The following GRID2 variants were observed in gnomAD, a reference collection of about 807,000 sequenced individuals.
The protein encoded by GRID2 is glutamate receptor ionotropic, delta-2.
In GRID2, 33 loss-of-function variants were observed where a neutral mutation model predicts 114.8. That is an observed-to-expected ratio of 0.29 (90% CI 0.22 to 0.38). GRID2 has a LOEUF of 0.38. Among genes scored for constraint, GRID2 ranks in the 10% least tolerant of loss-of-function variants. GRID2 has a pLI of 1.00. For missense variants in GRID2, 1,184 were observed against 1,257.7 expected (o/e 0.94, Z 0.89); for synonymous variants, 505 against 449.9 (o/e 1.12, Z -1.55).
intron 13 of GRID2, among the ~76,000 whole-genome samples, chr4:93,605,337 C>T (rs1275830526): frequency 1.3e-5 from 2 of 152,168 alleles, no homozygotes; most frequent in East Asian, 1.9e-4. Context: ...ACATAGAACA[C>T]TGCCAACATT....
At chr4:92,758,893 T>G (rs1737854407) in intron 2 of GRID2, among the ~76,000 whole-genome samples, 2 of 152,166 alleles carry the variant, frequency 1.3e-5, no homozygotes, top group African/African-American at 4.8e-5. Flanking sequence ...TATTTCAAAA[T>G]TATGCATGGA....
At chr4:92,562,997 C>T (rs1727169169) in intron 1 of GRID2, among the ~76,000 whole-genome samples, 1 of 151,988 alleles carries the variant, frequency 6.6e-6, no homozygotes, top group Non-Finnish European at 1.5e-5. Flanking sequence ...CTAAATTACC[C>T]AGGCCTACTC....
Position 92,986,729 on chromosome 4 carries a change from AG to A in GRID2, c.245-98265del, listed in dbSNP as rs564298030. On this transcript the variant is annotated intron_variant, in intron 2 of 15. Coordinates refer to ENST00000282020, the MANE Select transcript of GRID2 (RefSeq NM_001510.4). ...TTTCAAAATACAGACTTTTTTAAAAAGCTGTAACAGAACAGGACTAAATATT... is the reference window on the plus strand; with the variant it reads ...TTTCAAAATACAGACTTTTTTAAAAACTGTAACAGAACAGGACTAAATATT... Among the ~76,000 whole-genome samples the A allele has an allele frequency of 1.7e-4, 26 of 152,314 alleles. No homozygotes were observed. The South Asian group carries it at 1.9e-3, about 11-fold the overall frequency.
chr4:92,853,227 T>C (rs1232119427), intron 2 of GRID2, among the ~76,000 whole-genome samples: 1 of 151,974 alleles, frequency 6.6e-6, no homozygotes, highest in Non-Finnish European at 1.5e-5. Context: ...AATGATATAA[T>C]ATATGACTCA....
chr4:93,622,216 G>A (rs1435477), intron 13 of GRID2, among the ~76,000 whole-genome samples: 92,880 of 151,988 alleles, frequency 0.61, 29,091 homozygotes, highest in African/African-American at 0.75. Context: ...GAAACTATGG[G>A]ATAACTCTGT....
At chr4:93,644,610 G>A (rs1260633155) in intron 14 of GRID2, among the ~76,000 whole-genome samples, 3 of 151,976 alleles carry the variant, frequency 2.0e-5, no homozygotes, top group Non-Finnish European at 1.5e-5. Context: ...TATATTCTTG[G>A]TGCTAATCAG....
chr4:93,798,448 A>T (rs765407997), intron 1 of GRID2, among the ~76,000 whole-genome samples: 21 of 152,160 alleles, frequency 1.4e-4, no homozygotes, highest in Non-Finnish European at 2.5e-4. Context: ...GACTGTGTTT[A>T]GGAACCCAGG....
At chr4:93,717,017 A>C (rs1728956694) in intron 14 of GRID2, among the ~76,000 whole-genome samples, 1 of 152,144 alleles carries the variant, frequency 6.6e-6, no homozygotes, top group South Asian at 2.1e-4. Context: ...AAGAAGCTTT[A>C]CAGAGTGCTT....
At chr4:93,033,977 C>T (rs935812465) in intron 2 of GRID2, among the ~76,000 whole-genome samples, 10 of 152,046 alleles carry the variant, frequency 6.6e-5, no homozygotes, top group Non-Finnish European at 1.5e-4. Flanking sequence ...TAGGTAATCA[C>T]AATATGAAAA....
At chr4:93,134,684 G>T (rs1021072777) in intron 4 of GRID2, among the ~76,000 whole-genome samples, 12 of 151,868 alleles carry the variant, frequency 7.9e-5, no homozygotes, top group Admixed American at 6.6e-4. Context: ...GCATTTTAAT[G>T]AAAATTAAAA....
At chr4:92,775,218 G>A (rs1738732366) in intron 2 of GRID2, among the ~76,000 whole-genome samples, 1 of 152,040 alleles carries the variant, frequency 6.6e-6, no homozygotes, top group African/African-American at 2.4e-5. Flanking sequence ...AAATTTAATG[G>A]GAAGTTTGAT....
At chr4:92,851,553 CA>C (rs1428653260) in intron 2 of GRID2, among the ~76,000 whole-genome samples, 9 of 151,732 alleles carry the variant, frequency 5.9e-5, no homozygotes, top group Admixed American at 3.3e-4. Context: ...TTAAGAATCT[CA>C]AAAATGTAAT....
intron 1 of GRID2, among the ~76,000 whole-genome samples, chr4:92,363,680 A>G (rs1217268631): frequency 6.6e-6 from 1 of 152,028 alleles, no homozygotes; most frequent in Non-Finnish European, 1.5e-5. Flanking sequence ...AATTGAAATA[A>G]CATACTATGT....
Position 92,956,972 on chromosome 4 carries a change from C to G in GRID2, c.245-128023C>G, listed in dbSNP as rs116352842. Among the ~76,000 whole-genome samples, 189 of 152,186 alleles carry G rather than the reference C, an allele frequency of 1.2e-3. 1 individual carries two copies. The highest frequency in any genetic ancestry group is 4.2e-3 in the African/African-American group (175 of 41,564). On this transcript the variant is annotated intron_variant, in intron 2 of 15. Transcript: ENST00000282020. ...CTGTATATCTTCTTTGGTGAGGTAT[C>G]TTTTAATGTATTTGGCTCATTTTTT... is the stretch of plus-strand genomic sequence containing the variant.
intron 14 of GRID2, among the ~76,000 whole-genome samples, chr4:93,673,216 T>A (rs1469691784): frequency 1.3e-5 from 2 of 152,184 alleles, no homozygotes; most frequent in Non-Finnish European, 2.9e-5. Context: ...TTATAAAAAT[T>A]GAGACTACCC....
At chr4:92,949,831 G>C (rs1158444554) in intron 2 of GRID2, among the ~76,000 whole-genome samples, 1 of 151,544 alleles carries the variant, frequency 6.6e-6, no homozygotes, top group Non-Finnish European at 1.5e-5. Context: ...AGATGAAGAG[G>C]GACTATCTCT....
chr4:93,414,706 T>TATATATATATATATATA (rs1560595949), intron 9 of GRID2, among the ~76,000 whole-genome samples: 5 of 149,700 alleles, frequency 3.3e-5, no homozygotes, highest in African/African-American at 7.4e-5. Context: ...TATATATATA[T>TATATATATATATATATA]TTCCTTTTTT....
At chr4:93,703,747 T>G (rs1030264724) in intron 14 of GRID2, among the ~76,000 whole-genome samples, 1 of 150,452 alleles carries the variant, frequency 6.6e-6, no homozygotes, top group Non-Finnish European at 1.5e-5. Context: ...CATGCAGTGT[T>G]TGGTTTTTTG....
chr4:92,589,905 C>T (rs1728626619), intron 1 of GRID2, among the ~76,000 whole-genome samples: 1 of 152,098 alleles, frequency 6.6e-6, no homozygotes, highest in African/African-American at 2.4e-5. Flanking sequence ...GACCTCCCCG[C>T]AATAACACTT....
Sources: allele counts gnomAD v4.1 joint callset (sites outside exome capture counted in the v4.1 genomes callset), GRCh38; gene constraint gnomAD v4.1.1; transcripts MANE v1.5; gene names NCBI Gene and HGNC (gene_info 2026-07-23, HGNC 2026-07-21).